KIF27: variants seen among roughly 807,000 people sequenced by gnomAD.
The protein encoded by KIF27 is kinesin-like protein KIF27.
Under a neutral mutation model 141.8 loss-of-function variants are expected in KIF27, and 84 were observed. The ratio of observed to expected loss-of-function variants is 0.59; its 90% CI spans 0.50 to 0.71. The LOEUF is 0.71. Ranked by LOEUF, KIF27 falls within the 30% of genes least tolerant of loss-of-function variation. The pLI is 0.00. For synonymous variants in KIF27, 471 were observed against 569.5 expected, an observed-to-expected ratio of 0.83 and a Z score of 2.46; for missense variants, 1,306 against 1,628.4, an observed-to-expected ratio of 0.80 and a Z score of 3.41.
Position 83,903,150 on chromosome 9 carries a change from T to C in KIF27, c.1368A>G (p.Ser456=), listed in dbSNP as rs776522363. The C allele has an allele frequency of 6.2e-7, 1 of 1,614,172 alleles. No individual in the cohort carries two copies. Among genetic ancestry groups the C allele is most frequent in the Non-Finnish European group, 8.5e-7 (1 of 1,180,030 alleles). Residue 456 remains serine, a synonymous_variant, in exon 4 of 18, where the codon TCA becomes TCG. Coordinates refer to ENST00000297814, the MANE Select transcript of KIF27 (RefSeq NM_017576.4). ...IQEVRKAVLT[S]FRGIGGTASL... ...TTGCAGTGCCTCCGATTCCTCGAAATGAGGTGAGGACAGCCTTCCTGACCT... is the reference window on the plus strand; with the variant it reads ...TTGCAGTGCCTCCGATTCCTCGAAACGAGGTGAGGACAGCCTTCCTGACCT...
At chr9:83,887,670 A>G (rs1345165097) in intron 8 of KIF27, among the ~76,000 whole-genome samples, 1 of 152,016 alleles carries the variant, frequency 6.6e-6, no homozygotes, top group African/African-American at 2.4e-5. Flanking sequence ...GCTTTAGTTC[A>G]GGTGACATTT....
At chr9:83,894,408 TATGAGGTTGTCAG>T (rs770241078) in intron 5 of KIF27, among the ~76,000 whole-genome samples, 12 of 152,242 alleles carry the variant, frequency 7.9e-5, no homozygotes, top group African/African-American at 7.2e-5. Flanking sequence ...GAAGACCTGC[TATGAGGTTGTCAG>T]ATGTCTGAGA....
At chr9:83,885,246 C>A (rs1951994157) in intron 9 of KIF27, among the ~76,000 whole-genome samples, 1 of 152,170 alleles carries the variant, frequency 6.6e-6, no homozygotes, top group African/African-American at 2.4e-5. Context: ...GCACACGCCA[C>A]CATGCCCAGC....
chr9:83,890,583 T>C (rs936044969), intron 6 of KIF27, among the ~76,000 whole-genome samples: 4 of 152,218 alleles, frequency 2.6e-5, no homozygotes, highest in Admixed American at 6.5e-5. Flanking sequence ...ATAGTATTCA[T>C]ACCACCCAAG....
chr9:83,848,281 TATATGATATATCAG>T (rs1440611570), intron 16 of KIF27, among the ~76,000 whole-genome samples: 1 of 113,498 alleles, frequency 8.8e-6, no homozygotes, highest in Non-Finnish European at 1.8e-5. Flanking sequence ...AGATATGATA[TATATGATATATCAG>T]ATATGATATA....
intron 17 of KIF27, among the ~76,000 whole-genome samples, chr9:83,839,195 G>A (rs2131460457): frequency 6.6e-6 from 1 of 152,262 alleles, no homozygotes; most frequent in African/African-American, 2.4e-5. Context: ...CCAGGTGACA[G>A]TATCTGGGGG....
chr9:83,864,493 T>A (rs1304853200), intron 13 of KIF27, among the ~76,000 whole-genome samples: 1 of 152,174 alleles, frequency 6.6e-6, no homozygotes, highest in Non-Finnish European at 1.5e-5. Context: ...TTTGAGTGAG[T>A]TTCTTAATCC....
At chr9:83,901,184 T>C (rs1302706227) in intron 4 of KIF27, among the ~76,000 whole-genome samples, 1 of 152,184 alleles carries the variant, frequency 6.6e-6, no homozygotes, top group Non-Finnish European at 1.5e-5. Flanking sequence ...GGTTTCAAAC[T>C]CCTGGGCTCA....
At chr9:83,905,447 G>T (rs1269121636) in intron 3 of KIF27, among the ~76,000 whole-genome samples, 1 of 152,062 alleles carries the variant, frequency 6.6e-6, no homozygotes, top group Non-Finnish European at 1.5e-5. Flanking sequence ...AAGAGAAGTA[G>T]GTGGACTTAG....
rs556612194 is a variant in KIF27 at position 83,855,794 on chromosome 9, A to G, written c.3151-1959T>C. Among the ~76,000 whole-genome samples, 5 of 152,344 alleles carry G rather than the reference A, an allele frequency of 3.3e-5. No individual in the cohort carries two copies. In the East Asian group the frequency reaches 7.7e-4, roughly 23 times the overall value. ...TGACTTTTGAATTTATACTGTGACT[A>G]TATTTTATCAAAAACAAATGTGAAG... On this transcript the variant is annotated intron_variant, in intron 14 of 17. Coordinates refer to ENST00000297814, the MANE Select transcript of KIF27 (RefSeq NM_017576.4).
intron 11 of KIF27, among the ~76,000 whole-genome samples, chr9:83,875,193 T>A (rs978785567): frequency 6.6e-6 from 1 of 152,078 alleles, no homozygotes; most frequent in African/African-American, 2.4e-5. Flanking sequence ...ACAGACTAAG[T>A]TGTTGGCAGA....
intron 5 of KIF27, among the ~76,000 whole-genome samples, chr9:83,896,504 G>T (rs1953275489): frequency 6.6e-6 from 1 of 151,918 alleles, no homozygotes; most frequent in Non-Finnish European, 1.5e-5. Flanking sequence ...TACCTAAAAA[G>T]AAATCTATAA....
At chr9:83,886,903 T>G in intron 9 of KIF27, 138 bp downstream of exon 9, 1 of 957,276 alleles carries the variant, frequency 1.0e-6, no homozygotes, top group Non-Finnish European at 1.4e-6. Context: ...CATATTGGCC[T>G]AAAAACTCAC....
rs568864688 is a variant in KIF27 at position 83,879,051 on chromosome 9, G to A, written c.2643+1246C>T. 6.0e-5 allele frequency among the ~76,000 whole-genome samples: 9 copies of A among 150,586 alleles called. No individual in the cohort carries two copies. In the South Asian group the frequency reaches 1.7e-3, roughly 28 times the overall value. On this transcript the variant is annotated intron_variant, in intron 11 of 17. Coordinates refer to ENST00000297814, the MANE Select transcript of KIF27 (RefSeq NM_017576.4). Reference sequence around the variant, plus strand: ...AAATTAGCCGGGCGTGGTGGTGCACGCCTGTAATCCCAGCTACTCAGGAGG... The same window carrying A: ...AAATTAGCCGGGCGTGGTGGTGCACACCTGTAATCCCAGCTACTCAGGAGG...
intron 16 of KIF27, chr9:83,847,972 GTATATTTTATATATCCTA>G (rs1223375890): frequency 7.0e-6 from 1 of 143,586 alleles, no homozygotes; most frequent in Non-Finnish European, 1.5e-5. Context: ...TATAAATCCT[GTATATTTTATATATCCTA>G]TATATTTTAT....
chr9:83,859,347 T>G lies in KIF27; in HGVS notation c.2959A>C (p.Ile987Leu). The change falls in exon 14 of 18, where the codon ATA becomes CTA. Residue 987 changes from isoleucine (I) to leucine (L), a missense_variant. By Grantham distance (5) the Ile-to-Leu change is conservative. This residue lies in a region of KIF27 where 596 missense variants were observed against 751.6 expected (regional missense o/e 0.79). Transcript: ENST00000297814. ...TCCAGTAAGTTCAGGCGAGTTGATATTTTCAAACTATCTGTGTTTAAGGCC... is the reference window on the plus strand; with the variant it reads ...TCCAGTAAGTTCAGGCGAGTTGATAGTTTCAAACTATCTGTGTTTAAGGCC... The part of the protein sequence containing the change: ...SQALNTDSLK[I>L]STRLNLLEQE... 6.2e-7 allele frequency: 1 copy of G among 1,613,514 alleles called. No individual in the cohort carries two copies. Among genetic ancestry groups the G allele is most frequent in the South Asian group, 1.1e-5 (1 of 91,076 alleles).
At chr9:83,887,562 G>C (rs550544768) in intron 8 of KIF27, among the ~76,000 whole-genome samples, 1 of 152,190 alleles carries the variant, frequency 6.6e-6, no homozygotes, top group African/African-American at 2.4e-5. Flanking sequence ...ACTGTAATTG[G>C]AGAATGCAGA....
intron 2 of KIF27, among the ~76,000 whole-genome samples, chr9:83,913,338 A>G (rs573562434): frequency 8.5e-5 from 13 of 152,344 alleles, no homozygotes; most frequent in African/African-American, 3.1e-4. Context: ...AAAAGAAAAC[A>G]TTATTTGCAT....
chr9:83,872,154 T>C (rs993836225), intron 11 of KIF27, among the ~76,000 whole-genome samples: 7 of 151,706 alleles, frequency 4.6e-5, no homozygotes, highest in African/African-American at 1.7e-4. Context: ...GGAAACCCCG[T>C]CTCTACTAAA....
Sources: allele counts gnomAD v4.1 joint callset (sites outside exome capture counted in the v4.1 genomes callset), GRCh38; gene constraint gnomAD v4.1.1; regional missense constraint gnomAD v4.1.1; transcripts MANE v1.5; gene names NCBI Gene and HGNC (gene_info 2026-07-23, HGNC 2026-07-21).